TDRD1: variants seen among roughly 807,000 people sequenced by gnomAD.
TDRD1 encodes tudor domain-containing protein 1.
In TDRD1, 37 loss-of-function variants were observed where a neutral mutation model predicts 140.6. That is an observed-to-expected ratio of 0.26 (90% confidence interval 0.20 to 0.35). TDRD1 has a LOEUF of 0.35. TDRD1 is among the 10% of genes least tolerant of loss of function. TDRD1 has a pLI of 1.00. For missense variants in TDRD1, 1,243 were observed against 1,393.0 expected (o/e 0.89, Z 1.71); for synonymous variants, 506 against 475.7 (o/e 1.06, Z -0.83).
intron 19 of TDRD1, 49 bp downstream of exon 19, chr10:114,220,892 TCA>T (rs759155828): frequency 3.6e-5 from 50 of 1,381,520 alleles, no homozygotes; most frequent in Non-Finnish European, 4.7e-5. Context: ...TTCTTTGCTC[TCA>T]GAGACTATGA....
chr10:114,213,076 T>C (rs189891508), intron 14 of TDRD1, among the ~76,000 whole-genome samples: 11 of 152,332 alleles, frequency 7.2e-5, no homozygotes, highest in Admixed American at 5.2e-4. Context: ...TGCTTTTTCT[T>C]TTTTTTCTTG....
intron 3 of TDRD1, among the ~76,000 whole-genome samples, chr10:114,191,378 T>C (rs1456787164): frequency 6.6e-6 from 1 of 152,178 alleles, no homozygotes; most frequent in African/African-American, 2.4e-5. Flanking sequence ...CCAATCCACT[T>C]TTCCTTCTGC....
intron 3 of TDRD1, among the ~76,000 whole-genome samples, chr10:114,197,780 C>T (rs1477012651): frequency 6.6e-6 from 1 of 151,944 alleles, no homozygotes; most frequent in Non-Finnish European, 1.5e-5. Context: ...GCCTCAGCTT[C>T]CTGAGTAACT....
At chr10:114,186,972 C>T (rs752287223) in intron 1 of TDRD1, among the ~76,000 whole-genome samples, 7 of 152,096 alleles carry the variant, frequency 4.6e-5, no homozygotes, top group Non-Finnish European at 8.8e-5. Context: ...TTTTTCCTCC[C>T]GCTCAGCCAT....
At chr10:114,183,197 CTAAG>C (rs1240281542) in intron 1 of TDRD1, among the ~76,000 whole-genome samples, 2 of 152,220 alleles carry the variant, frequency 1.3e-5, no homozygotes, top group East Asian at 1.9e-4. Context: ...GCATGAGTTA[CTAAG>C]TAAGGACAGT....
intron 4 of TDRD1, among the ~76,000 whole-genome samples, chr10:114,200,022 A>G (rs1184278166): frequency 6.6e-6 from 1 of 152,212 alleles, no homozygotes. Flanking sequence ...CTGTATAAGA[A>G]GCTACTAAAC....
chr10:114,225,022 C>T (rs1250531050), intron 21 of TDRD1, among the ~76,000 whole-genome samples: 1 of 152,172 alleles, frequency 6.6e-6, no homozygotes, highest in Non-Finnish European at 1.5e-5. Context: ...CCCAGTGTCG[C>T]CATCTTGATG....
At chr10:114,207,982 A>G (rs1463270644) in intron 11 of TDRD1, among the ~76,000 whole-genome samples, 1 of 152,066 alleles carries the variant, frequency 6.6e-6, no homozygotes, top group Non-Finnish European at 1.5e-5. Flanking sequence ...GAGGGTACCT[A>G]AGACTTGCAA....
At chr10:114,213,944 C>G (rs977394537) in intron 15 of TDRD1, 33 bp from the exon 16 acceptor site, 3 of 1,612,312 alleles carry the variant, frequency 1.9e-6, no homozygotes, top group Non-Finnish European at 1.7e-6. Context: ...CCCTCCTCCA[C>G]TATGTCCATT....
chr10:114,202,551 G>C (rs1014492250), intron 6 of TDRD1, among the ~76,000 whole-genome samples: 2 of 152,064 alleles, frequency 1.3e-5, no homozygotes, highest in African/African-American at 4.8e-5. Flanking sequence ...ACAGGTTTTA[G>C]CTTTATGTGC....
chr10:114,190,126 C>T (rs1243877606), intron 2 of TDRD1, among the ~76,000 whole-genome samples: 2 of 152,148 alleles, frequency 1.3e-5, no homozygotes. Flanking sequence ...AGCAACATTT[C>T]ACTGAGTTGA....
rs780978307 is a variant in TDRD1, at chr10:114,199,311, C to G, written c.523C>G (p.Leu175Val). 5 of 1,602,226 alleles carry G rather than the reference C, an allele frequency of 3.1e-6. No homozygotes were observed. The South Asian group carries it at 4.5e-5, about 15-fold the overall frequency. Residue 175 changes from leucine to valine, a missense_variant, in exon 4 of 26, where the codon CTA becomes GTA. Coordinates refer to ENST00000251864, the Ensembl canonical transcript of TDRD1. ...GTCCACAACTTGCCATCGCTGTGGC[C>G]TATTTGGTAAGCATATTGTTCTTGG... is the stretch of plus-strand genomic sequence containing the variant.
chr10:114,204,921 C>G, intron 10 of TDRD1, 28 bp downstream of exon 10: 1 of 1,545,190 alleles, frequency 6.5e-7, no homozygotes, highest in African/African-American at 1.4e-5. Flanking sequence ...AAATTGAGTA[C>G]TTAATAGGAT....
chr10:114,231,608 G>A, exon 26 of TDRD1: 1 of 1,078,994 alleles, frequency 9.3e-7, no homozygotes, highest in South Asian at 1.6e-5. Context: ...CACTTTCTCT[G>A]TAATGACCTT....
intron 21 of TDRD1, among the ~76,000 whole-genome samples, chr10:114,223,973 T>G (rs1409978057): frequency 6.6e-6 from 1 of 152,204 alleles, no homozygotes; most frequent in African/African-American, 2.4e-5. Context: ...CCCTGTTGTT[T>G]CCTGGACGGC....
chr10:114,212,629 T>C lies in TDRD1; in HGVS notation c.1831+593T>C, dbSNP rs1487355532. 8.5e-5 allele frequency among the ~76,000 whole-genome samples: 13 copies of C among 152,338 alleles called. No homozygotes were observed. In the East Asian group the frequency reaches 2.5e-3, roughly 29 times the overall value. On this transcript the variant is annotated intron_variant, in intron 14 of 25. Transcript: ENST00000251864. ...TACTTGGCCCTTGCATTTCGTAAAC[T>C]GACTGAAGCATAACTGTTGGATTGC...
chr10:114,212,294 C>T (rs1301751971), intron 14 of TDRD1, among the ~76,000 whole-genome samples: 1 of 152,168 alleles, frequency 6.6e-6, no homozygotes, highest in African/African-American at 2.4e-5. Flanking sequence ...TATCCAAGAT[C>T]TTTTCCTCAG....
At chr10:114,192,493 A>T (rs1158712782) in intron 3 of TDRD1, among the ~76,000 whole-genome samples, 1 of 151,342 alleles carries the variant, frequency 6.6e-6, no homozygotes, top group Non-Finnish European at 1.5e-5. Flanking sequence ...TTTTTAGTAG[A>T]GATGGGGTTT....
At chr10:114,193,820 A>G (rs1245645320) in intron 3 of TDRD1, among the ~76,000 whole-genome samples, 2 of 152,222 alleles carry the variant, frequency 1.3e-5, no homozygotes, top group Non-Finnish European at 2.9e-5. Flanking sequence ...GTCTTTTACC[A>G]TTAAGTTTAG....
Sources: allele counts gnomAD v4.1 joint callset (sites outside exome capture counted in the v4.1 genomes callset), GRCh38; gene constraint gnomAD v4.1.1; transcripts MANE v1.5; gene names NCBI Gene and HGNC (gene_info 2026-07-23, HGNC 2026-07-21).